XXYLT1: variants seen among roughly 807,000 people sequenced by gnomAD.
XXYLT1 encodes the protein UDP-xylose:alpha-xyloside alpha-1,3-xylosyltransferase.
XXYLT1 carries 20 observed loss-of-function variants against 28.9 expected under a neutral mutation model. The ratio of observed to expected loss-of-function variants is 0.69; its 90% CI spans 0.49 to 1.00. The LOEUF (loss-of-function observed/expected upper bound fraction) is 1.00. Among genes scored for constraint, XXYLT1 ranks in the 50% least tolerant of loss-of-function variants. The pLI is 0.00. For synonymous variants in XXYLT1, 257 were observed against 253.8 expected (o/e 1.01, Z -0.12); for missense variants, 542 against 560.1 (o/e 0.97, Z 0.33).
intron 3 of XXYLT1, among the ~76,000 whole-genome samples, chr3:195,103,541 AAGAG>A (rs895700782): frequency 1.8e-4 from 28 of 152,370 alleles, no homozygotes; most frequent in African/African-American, 6.7e-4. Context: ...TAGGTAAAAC[AAGAG>A]AGAAATTAAT....
chr3:195,264,869 G>A (rs1370724262), intron 1 of XXYLT1, among the ~76,000 whole-genome samples: 1 of 152,090 alleles, frequency 6.6e-6, no homozygotes, highest in Non-Finnish European at 1.5e-5. Context: ...GCCTGGGAAA[G>A]AAGGTGAGAT....
intron 2 of XXYLT1, among the ~76,000 whole-genome samples, chr3:195,206,113 C>G (rs1265874584): frequency 6.6e-6 from 1 of 150,772 alleles, no homozygotes; most frequent in African/African-American, 2.4e-5. Context: ...CAAGCTCTGC[C>G]TCCCGGGTTC....
rs932574676 is a variant in XXYLT1 at position 195,075,534 on chromosome 3, C to T, written c.786-5423G>A. On this transcript the variant is annotated intron_variant, in intron 3 of 3. Coordinates refer to ENST00000310380, the MANE Select transcript of XXYLT1 (RefSeq NM_152531.5). ...TGCCTCCCACCTACCCAAAACAAGCCCTGTGGTGAGGCGAGGCAGCACCGC... is the reference window on the plus strand; with the variant it reads ...TGCCTCCCACCTACCCAAAACAAGCTCTGTGGTGAGGCGAGGCAGCACCGC... Among the ~76,000 whole-genome samples the T allele has an allele frequency of 4.6e-5, 7 of 152,364 alleles. No homozygotes were observed. In the East Asian group the frequency reaches 1.3e-3, roughly 29 times the overall value.
At chr3:195,080,875 C>T (rs191585220) in intron 3 of XXYLT1, among the ~76,000 whole-genome samples, 3 of 152,334 alleles carry the variant, frequency 2.0e-5, no homozygotes, top group Non-Finnish European at 4.4e-5. Flanking sequence ...CACCCAGGCA[C>T]GAAGGTGCTG....
At chr3:195,264,380 G>C (rs540328860) in intron 1 of XXYLT1, among the ~76,000 whole-genome samples, 1 of 152,364 alleles carries the variant, frequency 6.6e-6, no homozygotes, top group Admixed American at 6.5e-5. Flanking sequence ...CCACACACTT[G>C]CAGGTGCCTC....
intron 3 of XXYLT1, among the ~76,000 whole-genome samples, chr3:195,084,010 T>C (rs1715585912): frequency 6.6e-6 from 1 of 151,392 alleles, no homozygotes; most frequent in African/African-American, 2.4e-5. Context: ...TGGGTGACAG[T>C]GAGTGAAAAT....
intron 2 of XXYLT1, among the ~76,000 whole-genome samples, chr3:195,205,735 C>T (rs1275035248): frequency 1.3e-5 from 2 of 152,064 alleles, no homozygotes; most frequent in Non-Finnish European, 2.9e-5. Flanking sequence ...TGGTGGCAGG[C>T]GACTGTAATA....
intron 3 of XXYLT1, among the ~76,000 whole-genome samples, chr3:195,103,302 C>T (rs1049120598): frequency 2.6e-5 from 4 of 152,036 alleles, no homozygotes; most frequent in Non-Finnish European, 2.9e-5. Context: ...AGGAATGCAC[C>T]CCCACACCAG....
At chr3:195,145,415 C>T (rs916112816) in intron 3 of XXYLT1, among the ~76,000 whole-genome samples, 5 of 128,378 alleles carry the variant, frequency 3.9e-5, no homozygotes, top group Non-Finnish European at 6.4e-5. Context: ...GTCACATGAA[C>T]GGGCACCTCA....
Position 195,209,825 on chromosome 3 carries a change from A to G in XXYLT1, c.652+16884T>C, listed in dbSNP as rs78575791. The G allele has an allele frequency of 0.047, 7,181 of 152,788 alleles. 231 individuals carry two copies. The highest frequency in any genetic ancestry group is 0.096 in the East Asian group (495 of 5,176). 9.5% of individuals were successfully genotyped at this position (152,788 alleles called of 1,614,324 possible). On this transcript the variant is annotated intron_variant, in intron 2 of 3. Transcript: ENST00000310380. This position sits in a 1 kb window ranked among gnomAD's most constrained non-coding sequence, Gnocchi z 5.0. ...GCTATCCAGAAGCCAGAGTAAGGGG[A>G]CAGAAAACGGAAAAGCAGGCCCGAG...
intron 3 of XXYLT1, among the ~76,000 whole-genome samples, chr3:195,104,188 A>G (rs1243126571): frequency 7.0e-6 from 1 of 142,714 alleles, no homozygotes; most frequent in African/African-American, 2.7e-5. Context: ...GATGACGGTG[A>G]TGAGGGCTCC....
intron 1 of XXYLT1, among the ~76,000 whole-genome samples, chr3:195,238,735 GA>G (rs1164218763): frequency 6.6e-6 from 1 of 152,036 alleles, no homozygotes; most frequent in African/African-American, 2.4e-5. Context: ...CCCAGTCCCC[GA>G]AATGCCTTCT....
chr3:195,235,033 C>A (rs1032931683), intron 1 of XXYLT1, among the ~76,000 whole-genome samples: 4 of 151,764 alleles, frequency 2.6e-5, no homozygotes, highest in Non-Finnish European at 5.9e-5. Flanking sequence ...ATCTCGTAGG[C>A]AAGCTTCATT....
intron 2 of XXYLT1, among the ~76,000 whole-genome samples, chr3:195,158,231 G>A (rs1289726291): frequency 6.6e-6 from 1 of 152,102 alleles, no homozygotes; most frequent in African/African-American, 2.4e-5. Flanking sequence ...CCCCAGACAG[G>A]CCCTGCAGGA....
intron 1 of XXYLT1, among the ~76,000 whole-genome samples, chr3:195,246,574 G>A (rs1323165286): frequency 6.6e-6 from 1 of 152,210 alleles, no homozygotes; most frequent in African/African-American, 2.4e-5. Flanking sequence ...CAAGACTCAG[G>A]GGAAAAATGA....
intron 1 of XXYLT1, among the ~76,000 whole-genome samples, chr3:195,246,685 G>C (rs904102989): frequency 6.6e-6 from 1 of 152,210 alleles, no homozygotes; most frequent in African/African-American, 2.4e-5. Flanking sequence ...AGAGGCGGGG[G>C]TGAGCAGGGG....
rs552573280 is a variant in XXYLT1 at position 195,138,857 on chromosome 3, G to GAA, written c.785+17590_785+17591dup. On this transcript the variant is annotated intron_variant, in intron 3 of 3. Coordinates refer to ENST00000310380, the MANE Select transcript of XXYLT1 (RefSeq NM_152531.5). ...GCAACAAAGTGAGACTCTGCCTCAGGAAAAAAAAAAAAAAAAAAAAGAAAG... is the reference window on the plus strand; with the variant it reads ...GCAACAAAGTGAGACTCTGCCTCAGGAAAAAAAAAAAAAAAAAAAAAAGAAAG... 7.2e-3 allele frequency among the ~76,000 whole-genome samples: 608 copies of GAA among 84,146 alleles called. 3 individuals are homozygous for GAA. The highest frequency in any genetic ancestry group is 0.024 in the African/African-American group (566 of 23,620). 55.2% of individuals were successfully genotyped at this position (84,146 alleles called of 152,430 possible).
At chr3:195,087,812 T>A (rs1156440356) in intron 3 of XXYLT1, among the ~76,000 whole-genome samples, 1 of 151,898 alleles carries the variant, frequency 6.6e-6, no homozygotes, top group Non-Finnish European at 1.5e-5. Flanking sequence ...TGGGCGCAGG[T>A]CAGTGGGTGC....
chr3:195,210,204 C>T lies in XXYLT1; in HGVS notation c.652+16505G>A, dbSNP rs1407384129. ...CCTCTCTGTGCCCTGACAGAACTGACAGCACCTGGTGCATTCTCCGTGCAA... is the reference window on the plus strand; with the variant it reads ...CCTCTCTGTGCCCTGACAGAACTGATAGCACCTGGTGCATTCTCCGTGCAA... On this transcript the variant is annotated intron_variant, in intron 2 of 3. Transcript: ENST00000310380. This position sits in a 1 kb window ranked among gnomAD's most constrained non-coding sequence, Gnocchi z 4.8. Among the ~76,000 whole-genome samples the T allele has an allele frequency of 1.3e-5, 2 of 152,254 alleles. No individual in the cohort carries two copies. Among genetic ancestry groups the T allele is most frequent in the African/African-American group, 4.8e-5 (2 of 41,456 alleles).
Sources: allele counts gnomAD v4.1 joint callset (sites outside exome capture counted in the v4.1 genomes callset), GRCh38; gene constraint gnomAD v4.1.1; non-coding constraint Gnocchi (gnomAD v3.1); transcripts MANE v1.5; gene names NCBI Gene and HGNC (gene_info 2026-07-23, HGNC 2026-07-21).